NBEA: variants seen among roughly 807,000 people sequenced by gnomAD.
The protein encoded by NBEA is neurobeachin, also known as lysosomal-trafficking regulator 2.
In NBEA, 44 loss-of-function variants were observed where a neutral mutation model predicts 343.4. That is an observed-to-expected ratio of 0.13 (90% CI 0.10 to 0.16). The LOEUF (loss-of-function observed/expected upper bound fraction) is 0.16, where lower values mean the gene tolerates loss of function less well. Ranked by LOEUF, NBEA falls within the 10% of genes least tolerant of loss-of-function variation. The pLI, the probability that NBEA is intolerant of heterozygous loss-of-function variation, is 1.00. For missense variants in NBEA, 2,555 were observed against 3,631.3 expected, an observed-to-expected ratio of 0.70 and a Z score of 7.62; for synonymous variants, 1,175 against 1,238.7, an observed-to-expected ratio of 0.95 and a Z score of 1.08.
At chr13:35,433,961 A>C (rs1322881396) in intron 39 of NBEA, among the ~76,000 whole-genome samples, 1 of 152,104 alleles carries the variant, frequency 6.6e-6, no homozygotes, top group African/African-American at 2.4e-5. Context: ...GGAAACATAT[A>C]AAGACAATTT....
In NBEA at chr13:35,182,413, G is replaced by T. The variant is rs1180746796; in HGVS notation, c.4716G>T (p.Ser1572=). 1 of 1,610,420 alleles carries T rather than the reference G, an allele frequency of 6.2e-7. No individual in the cohort carries two copies. The highest frequency in any genetic ancestry group is 8.5e-7 in the Non-Finnish European group (1 of 1,177,774). ...FLALAVVYFI[S]VLMVSKYRDI... Reference sequence around the variant, plus strand: ...CTCTGGCTGTTGTTTACTTCATTTCGGTTCTGATGGTTTCCAAGTATCGTG... The same window carrying T: ...CTCTGGCTGTTGTTTACTTCATTTCTGTTCTGATGGTTTCCAAGTATCGTG... The change falls in exon 29 of 59, where the codon TCG becomes TCT. Residue 1572 remains serine (S), a synonymous_variant. Coordinates refer to ENST00000379939, the MANE Select transcript of NBEA (RefSeq NM_001385012.1).
At chr13:35,601,761 C>CAAAAAAAAAAAAAAAAA (rs869213180) in intron 47 of NBEA, among the ~76,000 whole-genome samples, 11 of 114,912 alleles carry the variant, frequency 9.6e-5, no homozygotes, top group African/African-American at 2.6e-4. Context: ...GACTCCATCG[C>CAAAAAAAAAAAAAAAAA]AAAAAAAAAA....
At chr13:35,375,319 G>T (rs1025445602) in intron 38 of NBEA, among the ~76,000 whole-genome samples, 2 of 152,050 alleles carry the variant, frequency 1.3e-5, no homozygotes, top group Admixed American at 1.3e-4. Context: ...TAGCCACGCC[G>T]TCTCAACGTA....
intron 48 of NBEA, among the ~76,000 whole-genome samples, chr13:35,606,885 T>G (rs1202748832): frequency 6.6e-6 from 1 of 152,164 alleles, no homozygotes; most frequent in African/African-American, 2.4e-5. Context: ...GTGCTTAAAA[T>G]AAATGCCTAT....
intron 41 of NBEA, among the ~76,000 whole-genome samples, chr13:35,490,954 G>A (rs778948096): frequency 6.6e-6 from 1 of 151,902 alleles, no homozygotes; most frequent in Non-Finnish European, 1.5e-5. Flanking sequence ...AGTTTGTCTT[G>A]TCATCTGTAG....
chr13:35,061,811 A>G lies in NBEA; in HGVS notation c.1239+2948A>G, dbSNP rs563592241. On this transcript the variant is annotated intron_variant, in intron 8 of 58. Transcript: ENST00000379939. ...AAATAACCATTTGTAAACTCTGCATATAATATAGATAACATCTATAGGGTT... is the reference window on the plus strand; with the variant it reads ...AAATAACCATTTGTAAACTCTGCATGTAATATAGATAACATCTATAGGGTT... Among the ~76,000 whole-genome samples, 4 of 151,888 alleles carry G rather than the reference A, an allele frequency of 2.6e-5. No homozygotes were observed. The East Asian group carries it at 5.8e-4, about 22-fold the overall frequency.
At chr13:35,518,651 C>T (rs1426814596) in intron 41 of NBEA, among the ~76,000 whole-genome samples, 1 of 152,106 alleles carries the variant, frequency 6.6e-6, no homozygotes, top group African/African-American at 2.4e-5. Flanking sequence ...AAAGCATACC[C>T]CCTGCAGTTT....
intron 48 of NBEA, among the ~76,000 whole-genome samples, chr13:35,615,058 C>G (rs966042316): frequency 6.7e-6 from 1 of 149,348 alleles, no homozygotes; most frequent in Non-Finnish European, 1.5e-5. Context: ...CAAGGCAGAT[C>G]GATCGCTTGA....
intron 41 of NBEA, among the ~76,000 whole-genome samples, chr13:35,545,758 G>A (rs1021047658): frequency 6.6e-6 from 1 of 152,160 alleles, no homozygotes; most frequent in Non-Finnish European, 1.5e-5. Context: ...TGTAAAGGTA[G>A]TGTCTTCTCA....
intron 39 of NBEA, among the ~76,000 whole-genome samples, chr13:35,447,080 T>G (rs2046087408): frequency 6.6e-6 from 1 of 152,136 alleles, no homozygotes; most frequent in South Asian, 2.1e-4. Context: ...AATAAAATAC[T>G]GTATTTTTCT....
chr13:35,108,977 A>G (rs2066053063), intron 11 of NBEA, among the ~76,000 whole-genome samples: 2 of 152,112 alleles, frequency 1.3e-5, no homozygotes, highest in Admixed American at 1.3e-4. Flanking sequence ...TTGTATGTCA[A>G]TTTCTACAAA....
intron 30 of NBEA, among the ~76,000 whole-genome samples, chr13:35,190,026 A>G (rs575998106): frequency 2.0e-5 from 3 of 152,136 alleles, no homozygotes; most frequent in Non-Finnish European, 4.4e-5. Flanking sequence ...TCTAGCAGCC[A>G]CTGAGGATAG....
chr13:35,093,614 T>C (rs1383755718), intron 10 of NBEA, among the ~76,000 whole-genome samples: 2 of 152,008 alleles, frequency 1.3e-5, no homozygotes, highest in African/African-American at 4.8e-5. Flanking sequence ...TTGAAGGGCA[T>C]TAGAGTATGC....
At chr13:35,257,342 T>A (rs1316026478) in intron 34 of NBEA, among the ~76,000 whole-genome samples, 3 of 152,222 alleles carry the variant, frequency 2.0e-5, no homozygotes, top group Non-Finnish European at 2.9e-5. Context: ...TTGCTAATTC[T>A]ATTGGTATTT....
Position 35,518,690 on chromosome 13 carries a change from T to A in NBEA, c.6586-31787T>A, listed in dbSNP as rs182450644. On this transcript the variant is annotated intron_variant, in intron 41 of 58. Coordinates refer to ENST00000379939, the MANE Select transcript of NBEA (RefSeq NM_001385012.1). ...AAAAGGAAGGAAAATATCTTTCTACTTTTGTGCAAAATGCCCAATCAGGTT... is the reference window on the plus strand; with the variant it reads ...AAAAGGAAGGAAAATATCTTTCTACATTTGTGCAAAATGCCCAATCAGGTT... 3.3e-5 allele frequency among the ~76,000 whole-genome samples: 5 copies of A among 152,358 alleles called. No homozygotes were observed. The East Asian group carries it at 9.6e-4, about 29-fold the overall frequency.
intron 53 of NBEA, among the ~76,000 whole-genome samples, chr13:35,654,520 A>T (rs2084713117): frequency 6.6e-6 from 1 of 152,214 alleles, no homozygotes; most frequent in Admixed American, 6.5e-5. Context: ...ATTCTTATAA[A>T]CTAATGAACT....
intron 42 of NBEA, among the ~76,000 whole-genome samples, 166 bp downstream of exon 42, chr13:35,550,760 A>G (rs992230602): frequency 6.6e-6 from 1 of 152,220 alleles, no homozygotes; most frequent in Non-Finnish European, 1.5e-5. Context: ...TTTGTTTGAA[A>G]TGTTAGCCCT....
At chr13:35,510,480 T>C (rs2077235819) in intron 41 of NBEA, among the ~76,000 whole-genome samples, 1 of 152,206 alleles carries the variant, frequency 6.6e-6, no homozygotes, top group African/African-American at 2.4e-5. Flanking sequence ...GTTGTAAGTG[T>C]TAACACTAAG....
chr13:35,565,728 G>A (rs1014161470), intron 44 of NBEA, among the ~76,000 whole-genome samples: 6 of 152,086 alleles, frequency 3.9e-5, no homozygotes, highest in Admixed American at 3.9e-4. Context: ...TTCAGTTTAT[G>A]AGGGGGGGCC....
Sources: allele counts gnomAD v4.1 joint callset (sites outside exome capture counted in the v4.1 genomes callset), GRCh38; gene constraint gnomAD v4.1.1; transcripts MANE v1.5; gene names NCBI Gene and HGNC (gene_info 2026-07-23, HGNC 2026-07-21).